ANKRD34C: variants seen among roughly 807,000 people sequenced by gnomAD.
ANKRD34C encodes ankyrin repeat domain 34C.
For missense variants in ANKRD34C, 563 were observed against 653.0 expected (o/e 0.86, Z 1.50); for synonymous variants, 260 against 253.6 (o/e 1.03, Z -0.24).
At chr15:79,289,182 G>A (rs2058653392) in intron 1 of ANKRD34C, among the ~76,000 whole-genome samples, 1 of 152,174 alleles carries the variant, frequency 6.6e-6, no homozygotes, top group African/African-American at 2.4e-5. Context: ...GTTAATGTTA[G>A]CCTGGCACAT....
chr15:79,287,875 G>T (rs951456823), intron 1 of ANKRD34C, among the ~76,000 whole-genome samples: 5 of 152,302 alleles, frequency 3.3e-5, no homozygotes, highest in South Asian at 4.1e-4. Context: ...TACATCCAGA[G>T]TTCTCTACAA....
rs79880174 is a variant in ANKRD34C, at chr15:79,288,776, C to T, written c.-44-4465C>T. 3.4e-3 allele frequency among the ~76,000 whole-genome samples: 506 copies of T among 148,330 alleles called. 4 individuals carry two copies. The highest frequency in any genetic ancestry group is 0.027 in the East Asian group (134 of 5,054). ...TAATTTGTAAGGCTATTGTCAACTGCGACCATGTAAACAGCAGTCTTTTAA... is the reference window on the plus strand; with the variant it reads ...TAATTTGTAAGGCTATTGTCAACTGTGACCATGTAAACAGCAGTCTTTTAA... On this transcript the variant is annotated intron_variant, in intron 1 of 1. Coordinates refer to ENST00000421388, the MANE Select transcript of ANKRD34C (RefSeq NM_001146341.2).
Position 79,294,700 on chromosome 15 carries a change from G to A in ANKRD34C, c.1416G>A (p.Pro472=), listed in dbSNP as rs766358684. 12 of 1,551,568 alleles carry A rather than the reference G, an allele frequency of 7.7e-6. 1 individual carries two copies. Among genetic ancestry groups the A allele is most frequent in the South Asian group, 3.6e-5 (3 of 84,064 alleles). The change falls in exon 2 of 2, where the codon CCG becomes CCA. Residue 472 remains proline (P), a synonymous_variant. Coordinates refer to ENST00000421388, the MANE Select transcript of ANKRD34C (RefSeq NM_001146341.2). ...CGCCTTTAAATGTGAATCTGAACCC[G>A]CCTATTCCAGATATTAGATCTAGCA... ...FLPPLNVNLN[P]PIPDIRSSSK...
intron 1 of ANKRD34C, among the ~76,000 whole-genome samples, chr15:79,292,911 G>T (rs138306660): frequency 6.6e-6 from 1 of 152,236 alleles, no homozygotes; most frequent in African/African-American, 2.4e-5. Context: ...TAAGTGCTGC[G>T]CAGTCAACAC....
rs1455833673 is a variant in ANKRD34C, at chr15:79,295,693, T to C, written c.*801T>C. ...TTAACTAACTTGGAGTTGAATGTGA[T>C]ACAATTATAGATTAAAAATATCAGA... On this transcript the variant is annotated 3_prime_UTR_variant, in exon 2 of 2. Coordinates refer to ENST00000421388, the MANE Select transcript of ANKRD34C (RefSeq NM_001146341.2). The C allele has an allele frequency of 6.0e-6, 1 of 167,050 alleles. No individual in the cohort carries two copies. Among genetic ancestry groups the C allele is most frequent in the Non-Finnish European group, 1.5e-5 (1 of 68,118 alleles). 10.3% of individuals were successfully genotyped at this position (167,050 alleles called of 1,614,324 possible).
chr15:79,297,691 T>C lies in ANKRD34C; in HGVS notation c.*2799T>C, dbSNP rs941833932. On this transcript the variant is annotated 3_prime_UTR_variant, in exon 2 of 2. Transcript: ENST00000421388. ...TTCTATACCAGTACAACAACCAAAATACTTTCTCATAGATTATGCATAAAT... is the reference window on the plus strand; with the variant it reads ...TTCTATACCAGTACAACAACCAAAACACTTTCTCATAGATTATGCATAAAT... 6.0e-6 allele frequency: 1 copy of C among 167,056 alleles called. No homozygotes were observed. The highest frequency in any genetic ancestry group is 6.5e-5 in the Admixed American group (1 of 15,282). The allele number at this position is 167,056 out of a possible 1,614,324, so 10.3% of individuals were successfully genotyped here.
intron 1 of ANKRD34C, among the ~76,000 whole-genome samples, chr15:79,288,779 C>T (rs557445418): frequency 6.7e-6 from 1 of 150,298 alleles, no homozygotes; most frequent in South Asian, 2.1e-4. Flanking sequence ...TCAACTGCGA[C>T]CATGTAAACA....
rs1176230493 is a variant in ANKRD34C, at chr15:79,297,227, C to A, written c.*2335C>A. On this transcript the variant is annotated 3_prime_UTR_variant, in exon 2 of 2. Coordinates refer to ENST00000421388, the MANE Select transcript of ANKRD34C (RefSeq NM_001146341.2). ...ATTCAAGAGAGAATCATACGGACAA[C>A]CATCATTCTCAGCAGCTCATTAAAT... 1.8e-5 allele frequency: 3 copies of A among 166,974 alleles called. No individual in the cohort carries two copies. Among genetic ancestry groups the A allele is most frequent in the African/African-American group, 4.8e-5 (2 of 41,444 alleles). The allele number at this position is 166,974 out of a possible 1,614,324, so 10.3% of individuals were successfully genotyped here.
Position 79,292,313 on chromosome 15 carries a change from C to T in ANKRD34C, c.-44-928C>T, listed in dbSNP as rs578013240. On this transcript the variant is annotated intron_variant, in intron 1 of 1. Coordinates refer to ENST00000421388, the MANE Select transcript of ANKRD34C (RefSeq NM_001146341.2). The stretch of plus-strand genomic sequence containing the variant: ...TGAAGGGCCTCTCAAGCAACACATA[C>T]GTTGAAGATTTTGAGTCCGGGAATT... 3.9e-5 allele frequency among the ~76,000 whole-genome samples: 6 copies of T among 152,304 alleles called. No individual in the cohort carries two copies. The East Asian group carries it at 9.6e-4, about 24-fold the overall frequency.
rs1054966761 is a variant in ANKRD34C at position 79,296,712 on chromosome 15, T to C, written c.*1820T>C. On this transcript the variant is annotated 3_prime_UTR_variant, in exon 2 of 2. Coordinates refer to ENST00000421388, the MANE Select transcript of ANKRD34C (RefSeq NM_001146341.2). ...GGAGGGCTGTCTGTCCTGTGTGTTG[T>C]AGGATGTTTAGCAGCATCTCTGGCC... 6.0e-6 allele frequency: 1 copy of C among 167,120 alleles called. No individual in the cohort carries two copies. The highest frequency in any genetic ancestry group is 1.5e-5 in the Non-Finnish European group (1 of 68,136). 10.4% of individuals were successfully genotyped at this position (167,120 alleles called of 1,614,324 possible).
chr15:79,288,812 C>CTTTTTTTT (rs60075615), intron 1 of ANKRD34C, among the ~76,000 whole-genome samples: 49 of 55,544 alleles, frequency 8.8e-4, no homozygotes, highest in African/African-American at 1.4e-3. Context: ...GCCCAGTATT[C>CTTTTTTTT]TTTTTTTTTT....
intron 1 of ANKRD34C, among the ~76,000 whole-genome samples, chr15:79,287,250 G>A (rs1229040054): frequency 6.6e-6 from 1 of 152,176 alleles, no homozygotes; most frequent in African/African-American, 2.4e-5. Context: ...TGGGTGATTT[G>A]AGGTAAGTGA....
chr15:79,294,154 C>T lies in ANKRD34C; in HGVS notation c.870C>T (p.Phe290=). The change falls in exon 2 of 2, where the codon TTC becomes TTT. Residue 290 remains phenylalanine, a synonymous_variant. Transcript: ENST00000421388. ...TCAAGAGCATCAGTGATATATCCTT[C>T]CCTAAAAGGGGGCCCCTCTCCAGAA... ...EVIKSISDIS[F]PKRGPLSRTN... 1 of 1,551,570 alleles carries T rather than the reference C, an allele frequency of 6.4e-7. No individual in the cohort carries two copies. The highest frequency in any genetic ancestry group is 1.2e-5 in the South Asian group (1 of 84,054).
rs1262026078 is a variant in ANKRD34C, at chr15:79,297,745, A to G, written c.*2853A>G. 1.2e-5 allele frequency: 2 copies of G among 167,050 alleles called. No individual in the cohort carries two copies. The highest frequency in any genetic ancestry group is 4.8e-5 in the African/African-American group (2 of 41,474). 10.3% of individuals were successfully genotyped at this position (167,050 alleles called of 1,614,324 possible). A position where few individuals can be genotyped will look rare whatever the true frequency, so the allele number is the denominator to read the frequency against. ...CAATTTTGTCCATGTCAATGAACCT[A>G]ACAAGAATGCTTTTTAAAAGTATAT... On this transcript the variant is annotated 3_prime_UTR_variant, in exon 2 of 2. Transcript: ENST00000421388.
intron 1 of ANKRD34C, chr15:79,283,626 GA>G (rs2058635221): frequency 1.3e-5 from 2 of 152,214 alleles, no homozygotes; most frequent in Admixed American, 1.3e-4. Context: ...GCATTTCTGA[GA>G]AATGATGGGA....
rs1479150655 is a variant in ANKRD34C at position 79,294,022 on chromosome 15, A to C, written c.738A>C (p.Gln246His). Residue 246 changes from glutamine to histidine, a missense_variant, in exon 2 of 2, where the codon CAA becomes CAC. Transcript: ENST00000421388. The stretch of plus-strand genomic sequence containing the variant: ...ATCTCAAAAGGGCCCGTTTGCCTCA[A>C]CTGAAGAGGCTCCAGTCTGAACCTT... ...VSNLKRARLPQLKRLQSEPWG... is the reference protein window; with the variant it reads ...VSNLKRARLPHLKRLQSEPWG... The C allele has an allele frequency of 2.6e-6, 4 of 1,551,504 alleles. No individual in the cohort carries two copies. The African/African-American group carries it at 5.5e-5, about 21-fold the overall frequency.
chr15:79,291,634 C>T (rs1002161553), intron 1 of ANKRD34C, among the ~76,000 whole-genome samples: 1 of 113,958 alleles, frequency 8.8e-6, no homozygotes, highest in South Asian at 2.7e-4. Context: ...AGAGAGAGAT[C>T]AGTAGGAGAA....
At chr15:79,292,649 A>G (rs993743851) in intron 1 of ANKRD34C, among the ~76,000 whole-genome samples, 5 of 152,192 alleles carry the variant, frequency 3.3e-5, no homozygotes, top group African/African-American at 1.2e-4. Flanking sequence ...ATAATCATAC[A>G]TATTTATTTT....
In ANKRD34C at chr15:79,292,266, G is replaced by C. The variant is rs557833198; in HGVS notation, c.-44-975G>C. ...TGGGCTGGCAGGGCATCAAGACTGG[G>C]ACACCCATCTCTTCTTATTTGTGAA... On this transcript the variant is annotated intron_variant, in intron 1 of 1. Transcript: ENST00000421388. Among the ~76,000 whole-genome samples the C allele has an allele frequency of 2.6e-3, 396 of 152,276 alleles. 4 individuals are homozygous for C. Among genetic ancestry groups the C allele is most frequent in the Non-Finnish European group, 1.3e-3 (90 of 68,022 alleles).
Sources: allele counts gnomAD v4.1 joint callset (sites outside exome capture counted in the v4.1 genomes callset), GRCh38; gene constraint gnomAD v4.1.1; transcripts MANE v1.5; gene names NCBI Gene and HGNC (gene_info 2026-07-23, HGNC 2026-07-21).